The following FLG variants were observed in gnomAD, a reference collection of about 807,000 sequenced individuals.
FLG encodes the protein epidermal filaggrin.
A neutral mutation model predicts 3.8 loss-of-function variants in FLG; 6 were observed. The observed-to-expected ratio is 1.60, with a 90% CI of 0.87 to 3.15. The LOEUF (loss-of-function observed/expected upper bound fraction) is 3.15. Among genes scored for constraint, FLG ranks in the 30% most tolerant of loss-of-function variants. FLG has a pLI of 0.00. For missense variants in FLG, 7,595 were observed against 5,050.9 expected (o/e 1.50, Z -15.27); for synonymous variants, 2,551 against 1,931.6 (o/e 1.32, Z -8.41).
In FLG at chr1:152,312,258, G is replaced by C. The variant is rs1652497746; in HGVS notation, c.2628C>G (p.Ser876=). The C allele has an allele frequency of 6.2e-7, 1 of 1,613,704 alleles. No individual in the cohort carries two copies. The highest frequency in any genetic ancestry group is 8.5e-7 in the Non-Finnish European group (1 of 1,179,914). The change falls in exon 3 of 3, where the codon TCC becomes TCG. Residue 876 remains serine (S), a synonymous_variant. Transcript: ENST00000368799. ...HSGSHHSHTT[S]QGRSDASRGQ... The stretch of plus-strand genomic sequence containing the variant: ...CACGGGAGGCATCAGACCTTCCCTG[G>C]GATGTGGTGTGGCTGTGATGGGACC...
rs759667514 is a variant in FLG, at chr1:152,304,449, C to G, written c.10437G>C (p.Gln3479His). 6 of 1,612,316 alleles carry G rather than the reference C, an allele frequency of 3.7e-6. No individual in the cohort carries two copies. The highest frequency in any genetic ancestry group is 1.1e-5 in the South Asian group (1 of 90,670). Residue 3479 changes from glutamine (Q) to histidine (H), a missense_variant, in exon 3 of 3, where the codon CAG (glutamine) becomes CAC (histidine). By Grantham distance (24) the Gln-to-His change is conservative (BLOSUM62 0). Transcript: ENST00000368799. ...GTCTGCTGGCACTTCTGGATCCTGACTGCCCACGGGAGGCATCAGACCTTC... is the reference window on the plus strand; with the variant it reads ...GTCTGCTGGCACTTCTGGATCCTGAGTGCCCACGGGAGGCATCAGACCTTC... Reference protein sequence around the residue: ...SQGRSDASRGQSGSRSASRQT... With the variant: ...SQGRSDASRGHSGSRSASRQT...
At chr1:152,314,838 T>A in intron 2 of FLG, 91 bp from the exon 3 acceptor site, 1 of 1,531,594 alleles carries the variant, frequency 6.5e-7, no homozygotes, top group Non-Finnish European at 8.9e-7. Flanking sequence ...GAACCTGATC[T>A]TTGAGTATTA....
chr1:152,310,083 C>T lies in FLG; in HGVS notation c.4803G>A (p.Glu1601=). Reference sequence around the variant, plus strand: ...GCCTCTCAGAGTCTTCTGAGTGTCCCTCACTGTCCCTGTCCTGACTAACAC... The same window carrying T: ...GCCTCTCAGAGTCTTCTGAGTGTCCTTCACTGTCCCTGTCCTGACTAACAC... ...GSSVSQDRDS[E]GHSEDSERRS... The change falls in exon 3 of 3, where the codon GAG becomes GAA. Residue 1601 remains glutamate, a synonymous_variant. Coordinates refer to ENST00000368799, the MANE Select transcript of FLG (RefSeq NM_002016.2). 1 of 1,614,026 alleles carries T rather than the reference C, an allele frequency of 6.2e-7. No individual in the cohort carries two copies. The highest frequency in any genetic ancestry group is 8.5e-7 in the Non-Finnish European group (1 of 1,180,004).
rs748684573 is a variant in FLG, at chr1:152,311,076, A to G, written c.3810T>C (p.Val1270=). 2.5e-6 allele frequency: 4 copies of G among 1,613,730 alleles called. No individual in the cohort carries two copies. The highest frequency in any genetic ancestry group is 3.4e-6 in the Non-Finnish European group (4 of 1,179,940). The change falls in exon 3 of 3, where the codon GTT becomes GTC. Residue 1270 remains valine (V), a synonymous_variant. Transcript: ENST00000368799. ...SRTSRHQGSS[V]SQDSDSERHS... ...GTCTCTCACTGTCACTGTCCTGGCT[A>G]ACACTGGATCCCTGGTGCCTGCTTG...
Position 152,303,010 on chromosome 1 carries a change from TG to T in FLG, c.11875del (p.Gln3959AsnfsTer14). The part of the protein sequence containing the change: ...SPHSSSSYHY[Q>X]SEGTERQKGQ... ...TTTTTGCCTTTCAGTGCCCTCAGATTGATAATGATAAGAACTAGAACTGTGA... is the reference window on the plus strand; with the variant it reads ...TTTTTGCCTTTCAGTGCCCTCAGATTATAATGATAAGAACTAGAACTGTGA... On this transcript the variant is annotated frameshift_variant, in exon 3 of 3. Transcript: ENST00000368799. LOFTEE classifies it low-confidence loss of function (END_TRUNC). 3 of 1,614,166 alleles carry T rather than the reference TG, an allele frequency of 1.9e-6. No homozygotes were observed. The highest frequency in any genetic ancestry group is 2.5e-6 in the Non-Finnish European group (3 of 1,180,020).
chr1:152,313,767 A>G lies in FLG; in HGVS notation c.1119T>C (p.His373=). Residue 373 remains histidine, a synonymous_variant, in exon 3 of 3, where the codon CAT becomes CAC. Transcript: ENST00000368799. ...TSSRGQTASS[H]EQARSSPGER... ...CTCCTGGACTTGATCTTGCCTGTTC[A>G]TGGGATGATGCAGTCTGTCCACGAG... 6.2e-7 allele frequency: 1 copy of G among 1,614,004 alleles called. No homozygotes were observed. The highest frequency in any genetic ancestry group is 8.5e-7 in the Non-Finnish European group (1 of 1,180,000).
chr1:152,311,786 C>A lies in FLG; in HGVS notation c.3100G>T (p.Gly1034Ter), dbSNP rs780634554. 2 of 1,614,064 alleles carry A rather than the reference C, an allele frequency of 1.2e-6. No individual in the cohort carries two copies. Among genetic ancestry groups the A allele is most frequent in the East Asian group, 4.5e-5 (2 of 44,856 alleles). Residue 1034 changes from glycine to a stop codon, truncating the protein, a stop_gained, in exon 3 of 3, where the codon GGA (glycine) becomes TGA (stop). Transcript: ENST00000368799. LOFTEE classifies it low-confidence loss of function (END_TRUNC). ...QARSSPGERH[G>*]SRHQQSADSS... is the part of the protein sequence containing the mutation. The stretch of plus-strand genomic sequence containing the variant: ...TCTGCTGACTGCTGGTGGCGGGATC[C>A]GTGTCTTTCTCCTGGACTTGATCTT...
rs151189270 is a variant in FLG at position 152,308,657 on chromosome 1, G to A, written c.6229C>T (p.Arg2077Cys). Residue 2077 changes from arginine (R) to cysteine (C), a missense_variant, in exon 3 of 3, where the codon CGT becomes TGT. Coordinates refer to ENST00000368799, the MANE Select transcript of FLG (RefSeq NM_002016.2). ...CCAGAGCTTTCCCCTGACTGGCCAC[G>A]TGCGGACTCTTTGTGGCTCTGCTGA... ...PHQQSHKESA[R>C]GQSGESSGRS... 2.3e-4 allele frequency: 372 copies of A among 1,614,134 alleles called. No individual in the cohort carries two copies. Among genetic ancestry groups the A allele is most frequent in the African/African-American group, 1.4e-3 (105 of 75,024 alleles).
At position 152,307,200 on chromosome 1, in the gene FLG, G is replaced by A. The variant is rs376554169; in HGVS notation, c.7686C>T (p.Asn2562=). The change falls in exon 3 of 3, where the codon AAC becomes AAT. Residue 2562 remains asparagine, a synonymous_variant. Coordinates refer to ENST00000368799, the MANE Select transcript of FLG (RefSeq NM_002016.2). ...TGTCCTGGCTAAAACTGGATCCCCA[G>A]TTCCTGCTTGTCCTGGGCCCCTCTG... ...GQSEGPRTSR[N]WGSSFSQDSD... is the part of the protein sequence containing the mutation. 22 of 1,612,060 alleles carry A rather than the reference G, an allele frequency of 1.4e-5. No homozygotes were observed. The highest frequency in any genetic ancestry group is 3.3e-4 in the Middle Eastern group (2 of 6,062).
In FLG at chr1:152,311,750, G is replaced by C. The variant is rs774548037; in HGVS notation, c.3136C>G (p.His1046Asp). Reference protein sequence around the residue: ...RHQQSADSSRHSGIPRRQASS... With the variant: ...RHQQSADSSRDSGIPRRQASS... ...GCTTGTCTGCGCGGAATGCCTGAGT[G>C]TCTGGAGCTGTCTGCTGACTGCTGG... Residue 1046 changes from histidine (H) to aspartate (D), a missense_variant, in exon 3 of 3, where the codon CAC becomes GAC. Coordinates refer to ENST00000368799, the MANE Select transcript of FLG (RefSeq NM_002016.2). The C allele has an allele frequency of 1.9e-6, 3 of 1,614,120 alleles. No homozygotes were observed. Among genetic ancestry groups the C allele is most frequent in the Non-Finnish European group, 2.5e-6 (3 of 1,180,024 alleles).
Position 152,308,048 on chromosome 1 carries a change from T to C in FLG, c.6838A>G (p.Arg2280Gly), listed in dbSNP as rs145328777. ...TCTTCGTGATGGGACCTGGGGTGTCTGGAGCCATCTCTTGACTGCTCCTGA... is the reference window on the plus strand; with the variant it reads ...TCTTCGTGATGGGACCTGGGGTGTCCGGAGCCATCTCTTGACTGCTCCTGA... ...SAQEQSRDGS[R>G]HPRSHHEDRA... Residue 2280 changes from arginine (R) to glycine (G), a missense_variant, in exon 3 of 3, where the codon AGA becomes GGA. Physicochemically the swap from Arg to Gly is moderately radical, Grantham distance 125. Coordinates refer to ENST00000368799, the MANE Select transcript of FLG (RefSeq NM_002016.2). 29 of 1,614,038 alleles carry C rather than the reference T, an allele frequency of 1.8e-5. No homozygotes were observed. The African/African-American group carries it at 3.6e-4, about 20-fold the overall frequency.
chr1:152,313,767 A>C lies in FLG; in HGVS notation c.1119T>G (p.His373Gln), dbSNP rs1652630982. The C allele has an allele frequency of 1.9e-6, 3 of 1,613,886 alleles. No homozygotes were observed. The highest frequency in any genetic ancestry group is 1.7e-6 in the Non-Finnish European group (2 of 1,180,008). ...TSSRGQTASSHEQARSSPGER... is the reference protein window; with the variant it reads ...TSSRGQTASSQEQARSSPGER... ...CTCCTGGACTTGATCTTGCCTGTTC[A>C]TGGGATGATGCAGTCTGTCCACGAG... Residue 373 changes from histidine (H) to glutamine (Q), a missense_variant, in exon 3 of 3, where the codon CAT becomes CAG. His to Gln is a conservative substitution (Grantham distance 24, BLOSUM62 0). Coordinates refer to ENST00000368799, the MANE Select transcript of FLG (RefSeq NM_002016.2).
rs762847690 is a variant in FLG, at chr1:152,308,315, T to C, written c.6571A>G (p.Arg2191Gly). The C allele has an allele frequency of 6.2e-7, 1 of 1,613,752 alleles. No individual in the cohort carries two copies. The change falls in exon 3 of 3, where the codon AGA becomes GGA. Residue 2191 changes from arginine to glycine, a missense_variant. Transcript: ENST00000368799. Reference protein sequence around the residue: ...RGQSGSRSASRKTYDKEQSGD... With the variant: ...RGQSGSRSASGKTYDKEQSGD... ...GATTGTTCCTTGTCATATGTTTTTC[T>C]GCTTGCACTTCTGGATCCTGACTGC...
rs142914878 is a variant in FLG, at chr1:152,307,013, G to A, written c.7873C>T (p.Gln2625Ter). ...GTCTGTGTGTGACGAGTGCCTGATT[G>A]TCTGGAGCTGTCTGCAGAGTGCCCA... ...GHGHSADSSR[Q>*]SGTRHTQTSS... Residue 2625 changes from glutamine to a stop codon, truncating the protein, a stop_gained, in exon 3 of 3, where the codon CAA becomes TAA. Coordinates refer to ENST00000368799, the MANE Select transcript of FLG (RefSeq NM_002016.2). LOFTEE classifies it low-confidence loss of function (END_TRUNC). 6.3e-7 allele frequency: 1 copy of A among 1,595,424 alleles called. No individual in the cohort carries two copies. The highest frequency in any genetic ancestry group is 1.1e-5 in the South Asian group (1 of 90,220).
chr1:152,317,018 C>A lies in FLG; in HGVS notation c.-21-1541G>T, dbSNP rs201817504. Among the ~76,000 whole-genome samples the A allele has an allele frequency of 5.3e-5, 8 of 152,204 alleles. No homozygotes were observed. The East Asian group carries it at 1.5e-3, about 29-fold the overall frequency. On this transcript the variant is annotated intron_variant, in intron 1 of 2. Coordinates refer to ENST00000368799, the MANE Select transcript of FLG (RefSeq NM_002016.2). ...TCTGATCTCCCAACCTACTACATTT[C>A]TATCCATATACCTTGCCTTCACTTT...
At position 152,308,173 on chromosome 1, in the gene FLG, G is replaced by A; in HGVS notation, c.6713C>T (p.Pro2238Leu). ...GTCCTGGCTAACACTGGATCCCCGG[G>A]GCCTGCTTGTCCTGGGCCCTGATGA... is the stretch of plus-strand genomic sequence containing the variant. Reference protein sequence around the residue: ...GQSSGPRTSRPRGSSVSQDSD... With the variant: ...GQSSGPRTSRLRGSSVSQDSD... Residue 2238 changes from proline (P) to leucine (L), a missense_variant, in exon 3 of 3, where the codon CCC (proline) becomes CTC (leucine). By Grantham distance (98) the Pro-to-Leu change is moderately conservative. Coordinates refer to ENST00000368799, the MANE Select transcript of FLG (RefSeq NM_002016.2). The A allele has an allele frequency of 1.2e-6, 2 of 1,604,456 alleles. No homozygotes were observed. The highest frequency in any genetic ancestry group is 1.4e-5 in the African/African-American group (1 of 69,390).
At chr1:152,316,549 G>T (rs903941206) in intron 1 of FLG, among the ~76,000 whole-genome samples, 8 of 151,974 alleles carry the variant, frequency 5.3e-5, no homozygotes, top group African/African-American at 1.9e-4. Flanking sequence ...ACCATATCTT[G>T]CCAGTTAAAA....
intron 1 of FLG, among the ~76,000 whole-genome samples, chr1:152,316,450 A>G (rs1197370962): frequency 6.6e-6 from 1 of 152,116 alleles, no homozygotes; most frequent in Admixed American, 6.5e-5. Context: ...TAAGAAGCAT[A>G]GAAAAAGAAG....
At position 152,313,073 on chromosome 1, in the gene FLG, G is replaced by A; in HGVS notation, c.1813C>T (p.Gln605Ter). 1.2e-6 allele frequency: 2 copies of A among 1,613,908 alleles called. No individual in the cohort carries two copies. The highest frequency in any genetic ancestry group is 1.7e-6 in the Non-Finnish European group (2 of 1,179,996). The change falls in exon 3 of 3, where the codon CAG (glutamine) becomes TAG (stop). Residue 605 changes from glutamine (Q) to a stop codon, truncating the protein, a stop_gained. Transcript: ENST00000368799. LOFTEE classifies it low-confidence loss of function (END_TRUNC). ...ADSSRHSQVG[Q>*]GQSSGPRTSR... ...GTCCTGGGCCCCGATGATTGTCCCT[G>A]GCCCACCTGTGAGTGTCTAGAGCTG...
Sources: gnomAD v4.1 joint callset for allele counts (sites outside exome capture counted in the v4.1 genomes callset) on GRCh38, gnomAD v4.1.1 for gene constraint, MANE v1.5 for transcripts, NCBI Gene and HGNC (gene_info 2026-07-23, HGNC 2026-07-21) for gene names.